Variants in UTY observed in about 807,000 individuals in gnomAD.
The protein encoded by UTY is ubiquitously transcribed tetratricopeptide repeat containing, Y-linked, also known as histone demethylase UTY.
A neutral mutation model predicts 32.5 loss-of-function variants in UTY; 12 were observed. The observed-to-expected ratio is 0.37, with a 90% CI of 0.24 to 0.60. UTY has a LOEUF of 0.60. UTY is among the 20% of genes least tolerant of loss of function. UTY has a pLI of 0.69. For synonymous variants in UTY, 131 were observed against 103.4 expected, an observed-to-expected ratio of 1.27 and a Z score of -1.62; for missense variants, 303 against 299.2, an observed-to-expected ratio of 1.01 and a Z score of -0.09.
intron 4 of UTY, among the ~76,000 whole-genome samples, chrY:13,425,706 A>G (rs751775271): frequency 2.9e-5 from 1 of 34,300 alleles, no homozygotes; most frequent in Non-Finnish European, 7.3e-5. Flanking sequence ...TTAGTTTTGC[A>G]GCAGCATTTA....
At chrY:13,284,895 T>C (rs931588209) in intron 27 of UTY, among the ~76,000 whole-genome samples, 70 of 34,615 alleles carry the variant, frequency 2.0e-3, no homozygotes, top group Admixed American at 6.7e-3. Flanking sequence ...GAGGCCCTGA[T>C]TGTCCCCCTT....
intron 6 of UTY, among the ~76,000 whole-genome samples, chrY:13,405,891 T>A (rs2069860548): frequency 3.0e-5 from 1 of 32,800 alleles, no homozygotes; most frequent in African/African-American, 1.2e-4. Flanking sequence ...GTTTAAAAAG[T>A]CCTCATTAAT....
At chrY:13,385,879 A>G in intron 8 of UTY, among the ~76,000 whole-genome samples, 1 of 32,162 alleles carries the variant, frequency 3.1e-5, no homozygotes, top group Non-Finnish European at 7.5e-5. Context: ...CTCTGTTCAC[A>G]TAGAGCTCTC....
intron 2 of UTY, among the ~76,000 whole-genome samples, chrY:13,477,418 G>A: frequency 3.0e-5 from 1 of 32,912 alleles, no homozygotes; most frequent in African/African-American, 1.2e-4. Context: ...CTTGATCCTG[G>A]ACTTCCCAGC....
At chrY:13,372,308 G>C (rs2064997690) in intron 8 of UTY, among the ~76,000 whole-genome samples, 1 of 33,509 alleles carries the variant, frequency 3.0e-5, no homozygotes, top group East Asian at 7.7e-4. Context: ...TGCCCACACA[G>C]ATGGCAAACT....
intron 6 of UTY, among the ~76,000 whole-genome samples, chrY:13,400,731 A>G (rs2068865297): frequency 3.1e-5 from 1 of 32,109 alleles, no homozygotes; most frequent in African/African-American, 1.2e-4. Context: ...ATATAAGATC[A>G]AAACAATTGC....
At chrY:13,453,891 TA>T (rs2076518294) in intron 3 of UTY, among the ~76,000 whole-genome samples, 1 of 32,191 alleles carries the variant, frequency 3.1e-5, no homozygotes. Flanking sequence ...GCTTTTTCAG[TA>T]ATAAAAATAG....
chrY:13,345,918 A>C lies in UTY; in HGVS notation c.2061+9085T>G. Among the ~76,000 whole-genome samples the C allele has an allele frequency of 3.6e-4, 12 of 33,215 alleles. No individual in the cohort carries two copies. In the South Asian group the frequency reaches 8.1e-3, roughly 22 times the overall value. 89.1% of individuals were successfully genotyped at this position (33,215 alleles called of 37,273 possible). A position where few individuals can be genotyped will look rare whatever the true frequency, so the allele number is the denominator to read the frequency against. On this transcript the variant is annotated intron_variant, in intron 17 of 29. Coordinates refer to ENST00000545955, the MANE Select transcript of UTY (RefSeq NM_001258249.2). Reference sequence around the variant, plus strand: ...GTCAGTAAACCTGTAAACAAAAAAGAAGTATTCCCTCACTCGCATAAAGGC... The same window carrying C: ...GTCAGTAAACCTGTAAACAAAAAAGCAGTATTCCCTCACTCGCATAAAGGC...
intron 21 of UTY, among the ~76,000 whole-genome samples, chrY:13,312,914 G>T (rs2059270292): frequency 3.0e-5 from 1 of 33,210 alleles, no homozygotes; most frequent in Non-Finnish European, 7.4e-5. Context: ...ATGCTGGCGA[G>T]GATGTGAAGA....
intron 28 of UTY, among the ~76,000 whole-genome samples, chrY:13,239,045 G>T (rs774535011): frequency 5.2e-3 from 174 of 33,524 alleles, no homozygotes; most frequent in Middle Eastern, 0.027. Context: ...AGCTCAGAAA[G>T]AAGAACATTT....
chrY:13,341,911 G>A, intron 17 of UTY, among the ~76,000 whole-genome samples: 1 of 33,241 alleles, frequency 3.0e-5, no homozygotes, highest in Non-Finnish European at 7.4e-5. Context: ...TGGTGCCCTT[G>A]TTAGGAAGAG....
intron 25 of UTY, among the ~76,000 whole-genome samples, chrY:13,300,440 G>A: frequency 3.1e-5 from 1 of 31,811 alleles, no homozygotes; most frequent in African/African-American, 1.2e-4. Context: ...GGCAGGGGGC[G>A]GGGTGTGCGG....
intron 17 of UTY, among the ~76,000 whole-genome samples, chrY:13,351,766 T>A: frequency 5.9e-5 from 2 of 33,658 alleles, no homozygotes; most frequent in Non-Finnish European, 1.5e-4. Context: ...GAAAGCAGTA[T>A]CGTGAATTTA....
At chrY:13,321,181 G>A (rs747424985) in intron 21 of UTY, among the ~76,000 whole-genome samples, 1 of 33,135 alleles carries the variant, frequency 3.0e-5, no homozygotes, top group African/African-American at 1.2e-4. Flanking sequence ...AAATAATATC[G>A]CCAAATAGAA....
In UTY at chrY:13,331,759, T is replaced by C. The variant is rs368936688; in HGVS notation, c.2834+3804A>G. Among the ~76,000 whole-genome samples the C allele has an allele frequency of 4.4e-3, 148 of 33,722 alleles. No individual in the cohort carries two copies. The East Asian group carries it at 0.099, about 23-fold the overall frequency. 90.5% of individuals were successfully genotyped at this position (33,722 alleles called of 37,273 possible). A position where few individuals can be genotyped will look rare whatever the true frequency, so the allele number is the denominator to read the frequency against. ...GCTGAAAAACACAGCATGAGAACTT[T>C]GTGAAACATACAGAAGAATCAACAG... is the stretch of plus-strand genomic sequence containing the variant. On this transcript the variant is annotated intron_variant, in intron 18 of 29. Transcript: ENST00000545955.
At chrY:13,393,124 CCA>C (rs2067753592) in intron 8 of UTY, 2 of 33,264 alleles carry the variant, frequency 6.0e-5, no homozygotes, top group African/African-American at 2.3e-4. Context: ...AAGACATGAG[CCA>C]CCATGCCCAA....
intron 6 of UTY, among the ~76,000 whole-genome samples, chrY:13,402,642 T>C (rs955791099): frequency 1.2e-4 from 4 of 33,245 alleles, no homozygotes; most frequent in South Asian, 6.6e-4. Flanking sequence ...TACTCCCTCA[T>C]TGGTTTGTTG....
intron 3 of UTY, among the ~76,000 whole-genome samples, chrY:13,453,028 TA>T (rs2076447559): frequency 6.0e-5 from 2 of 33,519 alleles, no homozygotes; most frequent in East Asian, 1.6e-3. Context: ...GGCAAGTAGC[TA>T]AAACAATTGT....
chrY:13,321,976 G>A (rs2059873872), intron 21 of UTY, among the ~76,000 whole-genome samples: 1 of 32,794 alleles, frequency 3.0e-5, no homozygotes, highest in Non-Finnish European at 7.5e-5. Context: ...CCAATGCCAC[G>A]GAATTTAACA....
Sources: gnomAD v4.1 joint callset for allele counts (sites outside exome capture counted in the v4.1 genomes callset) on GRCh38, gnomAD v4.1.1 for gene constraint, MANE v1.5 for transcripts, NCBI Gene and HGNC (gene_info 2026-07-23, HGNC 2026-07-21) for gene names.